Variants in LRMDA observed in about 807,000 individuals in gnomAD.
LRMDA encodes the protein leucine-rich melanocyte differentiation-associated protein.
In LRMDA, 18 loss-of-function variants were observed where a neutral mutation model predicts 29.8. The ratio of observed to expected loss-of-function variants is 0.60; its 90% confidence interval spans 0.42 to 0.90. The LOEUF (loss-of-function observed/expected upper bound fraction) is 0.90, where lower values mean the gene tolerates loss of function less well. Among genes scored for constraint, LRMDA ranks in the 40% least tolerant of loss-of-function variants. LRMDA has a pLI of 0.00. For synonymous variants in LRMDA, 125 were observed against 109.4 expected (o/e 1.14, Z -0.89); for missense variants, 273 against 273.9 (o/e 1.00, Z 0.02).
chr10:76,394,345 G>A (rs1311478296), intron 6 of LRMDA, among the ~76,000 whole-genome samples: 3 of 152,118 alleles, frequency 2.0e-5, no homozygotes, highest in Admixed American at 2.0e-4. Flanking sequence ...CAAATGTTCT[G>A]TATTACTCTC....
chr10:76,516,304 G>A (rs148613016), intron 6 of LRMDA, among the ~76,000 whole-genome samples: 2 of 151,966 alleles, frequency 1.3e-5, no homozygotes, highest in Admixed American at 1.3e-4. Context: ...AACAAATAAA[G>A]GTGGGTTAAA....
chr10:76,328,485 A>G (rs1478671233), intron 6 of LRMDA, among the ~76,000 whole-genome samples: 2 of 152,360 alleles, frequency 1.3e-5, no homozygotes, highest in Admixed American at 6.5e-5. Context: ...GAGCAACTCA[A>G]CAACAGGCAA....
At chr10:75,611,747 C>A (rs145817038) in intron 2 of LRMDA, among the ~76,000 whole-genome samples, 1 of 152,224 alleles carries the variant, frequency 6.6e-6, no homozygotes, top group African/African-American at 2.4e-5. Flanking sequence ...TGGATGTAAC[C>A]CCTGGCCAGA....
chr10:76,356,431 T>G (rs1349675544), intron 6 of LRMDA, among the ~76,000 whole-genome samples: 1 of 152,206 alleles, frequency 6.6e-6, no homozygotes, highest in Non-Finnish European at 1.5e-5. Flanking sequence ...GTAACCCCTG[T>G]GTTTCTGCCA....
intron 6 of LRMDA, among the ~76,000 whole-genome samples, chr10:76,552,433 G>T (rs1309154039): frequency 1.3e-5 from 2 of 152,178 alleles, no homozygotes; most frequent in East Asian, 3.9e-4. Context: ...TATACTGTGG[G>T]GTTACAGGCT....
intron 6 of LRMDA, among the ~76,000 whole-genome samples, chr10:76,555,554 A>G (rs1843545851): frequency 6.6e-6 from 1 of 152,126 alleles, no homozygotes; most frequent in African/African-American, 2.4e-5. Flanking sequence ...GACCCCAGCA[A>G]TTTCTAGCTT....
At chr10:75,594,594 A>G (rs1327984077) in intron 2 of LRMDA, among the ~76,000 whole-genome samples, 1 of 152,236 alleles carries the variant, frequency 6.6e-6, no homozygotes, top group Non-Finnish European at 1.5e-5. Flanking sequence ...TCAATGGGCC[A>G]GTGTAGCTGT....
intron 2 of LRMDA, among the ~76,000 whole-genome samples, chr10:76,025,156 A>G (rs1848041202): frequency 6.6e-6 from 1 of 151,978 alleles, no homozygotes; most frequent in African/African-American, 2.4e-5. Context: ...AATTTCAGAG[A>G]CATAGTCAAA....
intron 2 of LRMDA, among the ~76,000 whole-genome samples, chr10:75,945,866 A>T (rs1028104496): frequency 1.6e-4 from 24 of 152,268 alleles, no homozygotes; most frequent in Non-Finnish European, 2.5e-4. Flanking sequence ...GCCATTTTAG[A>T]GATGGGGAAA....
At chr10:75,939,423 A>C (rs1846350902) in intron 2 of LRMDA, among the ~76,000 whole-genome samples, 1 of 152,068 alleles carries the variant, frequency 6.6e-6, no homozygotes, top group Non-Finnish European at 1.5e-5. Flanking sequence ...ATCCTTGGAG[A>C]GATGTTCTCC....
At chr10:75,603,179 G>GTTTT (rs397972323) in intron 2 of LRMDA, among the ~76,000 whole-genome samples, 2 of 143,612 alleles carry the variant, frequency 1.4e-5, no homozygotes, top group African/African-American at 5.0e-5. Context: ...TCATCTTAAA[G>GTTTT]TTTTTTTTTT....
chr10:75,448,822 G>T (rs1168909807), intron 2 of LRMDA, among the ~76,000 whole-genome samples: 7 of 152,268 alleles, frequency 4.6e-5, no homozygotes, highest in Non-Finnish European at 8.8e-5. Context: ...CTCTCCAAAG[G>T]AGTCCAGGGA....
At chr10:75,855,330 AT>A (rs1844806892) in intron 2 of LRMDA, among the ~76,000 whole-genome samples, 1 of 152,032 alleles carries the variant, frequency 6.6e-6, no homozygotes. Context: ...GATGATGAGC[AT>A]TTTTTCATGT....
At chr10:76,458,747 A>G (rs962634493) in intron 6 of LRMDA, among the ~76,000 whole-genome samples, 2 of 152,154 alleles carry the variant, frequency 1.3e-5, no homozygotes, top group African/African-American at 2.4e-5. Context: ...AATCTCCTCT[A>G]TGTGACACTT....
At chr10:75,893,397 A>G (rs1845527865) in intron 2 of LRMDA, among the ~76,000 whole-genome samples, 1 of 152,244 alleles carries the variant, frequency 6.6e-6, no homozygotes. Context: ...TTGTATTTAT[A>G]AACAGGTTAG....
chr10:76,198,445 T>C (rs1253357419), intron 5 of LRMDA, among the ~76,000 whole-genome samples: 2 of 152,206 alleles, frequency 1.3e-5, no homozygotes, highest in East Asian at 3.9e-4. Context: ...AGTGCAAGCC[T>C]CTTATGCTGG....
chr10:76,116,577 C>G (rs1298445786), intron 5 of LRMDA, among the ~76,000 whole-genome samples: 1 of 152,080 alleles, frequency 6.6e-6, no homozygotes, highest in Non-Finnish European at 1.5e-5. Flanking sequence ...CTTTACTCTC[C>G]TTATCATATT....
intron 6 of LRMDA, among the ~76,000 whole-genome samples, chr10:76,336,916 T>C (rs1489120905): frequency 6.6e-6 from 1 of 152,172 alleles, no homozygotes; most frequent in Non-Finnish European, 1.5e-5. Flanking sequence ...AAGAGATAGC[T>C]TTCCTTGTTA....
chr10:76,138,652 G>A (rs1016529191), intron 5 of LRMDA, among the ~76,000 whole-genome samples: 2 of 152,118 alleles, frequency 1.3e-5, no homozygotes, highest in Admixed American at 6.6e-5. Context: ...TACATCAAAT[G>A]TATTGTTTTA....
Sources: gnomAD v4.1 joint callset for allele counts (sites outside exome capture counted in the v4.1 genomes callset) on GRCh38, gnomAD v4.1.1 for gene constraint, MANE v1.5 for transcripts, NCBI Gene and HGNC (gene_info 2026-07-23, HGNC 2026-07-21) for gene names.